The following CACNA1D variants were observed in gnomAD, a reference collection of about 807,000 sequenced individuals.
CACNA1D encodes calcium voltage-gated channel subunit alpha1 D.
CACNA1D carries 55 observed loss-of-function variants against 257.1 expected under a neutral mutation model. That is an observed-to-expected ratio of 0.21 (90% confidence interval 0.17 to 0.27). The LOEUF (loss-of-function observed/expected upper bound fraction) is 0.27, where lower values mean the gene tolerates loss of function less well. CACNA1D is among the 10% of genes least tolerant of loss of function. The pLI, the probability that CACNA1D is intolerant of heterozygous loss-of-function variation, is 1.00. For synonymous variants in CACNA1D, 980 were observed against 1,014.9 expected (o/e 0.97, Z 0.65); for missense variants, 1,876 against 2,784.0 (o/e 0.67, Z 7.34).
chr3:53,743,004 CT>C lies in CACNA1D; in HGVS notation c.2812-5del. ...AAATGGTAAATCATCCATGATTCTG[CT>C]TCTAGATGACAACTTTTGGAGCTTT... is the stretch of plus-strand genomic sequence containing the variant. On this transcript the variant is annotated splice_polypyrimidine_tract_variant and splice_region_variant and intron_variant, in intron 21 of 47. Coordinates refer to ENST00000350061, the MANE Select transcript of CACNA1D (RefSeq NM_001128840.3). The C allele has an allele frequency of 6.3e-7, 1 of 1,579,378 alleles. No individual in the cohort carries two copies. Among genetic ancestry groups the C allele is most frequent in the Non-Finnish European group, 8.7e-7 (1 of 1,148,294 alleles).
intron 40 of CACNA1D, among the ~76,000 whole-genome samples, chr3:53,795,002 C>T (rs2095501288): frequency 6.6e-6 from 1 of 152,230 alleles, no homozygotes. Context: ...ACTGCCCTAA[C>T]TGGAGCCCTT....
At chr3:53,718,761 T>A in intron 10 of CACNA1D, 1 of 1,546,176 alleles carries the variant, frequency 6.5e-7, no homozygotes. Context: ...TGATTCTCCT[T>A]CCAGCCTGGG....
intron 3 of CACNA1D, among the ~76,000 whole-genome samples, chr3:53,633,880 T>C (rs1444837654): frequency 6.6e-6 from 1 of 152,224 alleles, no homozygotes; most frequent in Admixed American, 6.5e-5. Flanking sequence ...TTGTAGAAAG[T>C]AGTAATTTCC....
At chr3:53,687,064 A>G (rs1266562344) in intron 8 of CACNA1D, among the ~76,000 whole-genome samples, 1 of 152,004 alleles carries the variant, frequency 6.6e-6, no homozygotes, top group African/African-American at 2.4e-5. Context: ...CCTAATAGGA[A>G]TGAATATAAG....
intron 3 of CACNA1D, among the ~76,000 whole-genome samples, chr3:53,550,037 G>A (rs1343424050): frequency 6.6e-6 from 1 of 152,194 alleles, no homozygotes; most frequent in African/African-American, 2.4e-5. Context: ...GAGCTGCTGG[G>A]AGGAAGAGAT....
chr3:53,741,160 A>G (rs1304300773), intron 21 of CACNA1D, among the ~76,000 whole-genome samples: 1 of 152,214 alleles, frequency 6.6e-6, no homozygotes, highest in East Asian at 1.9e-4. Context: ...TGGAGACCAC[A>G]GCAGAGCTCC....
chr3:53,666,196 C>T (rs942323070), intron 6 of CACNA1D, 143 bp from the exon 7 acceptor site: 1 of 813,280 alleles, frequency 1.2e-6, no homozygotes, highest in Non-Finnish European at 2.2e-6. Flanking sequence ...TGAAGGGAAC[C>T]TTGAAGGACA....
At chr3:53,556,123 C>T (rs2092641080) in intron 3 of CACNA1D, among the ~76,000 whole-genome samples, 9 of 152,058 alleles carry the variant, frequency 5.9e-5, no homozygotes, top group Admixed American at 5.9e-4. Flanking sequence ...AGAAATCGTT[C>T]TTTTTTATTG....
At chr3:53,641,979 A>G (rs2093957968) in intron 3 of CACNA1D, among the ~76,000 whole-genome samples, 1 of 152,190 alleles carries the variant, frequency 6.6e-6, no homozygotes, top group Non-Finnish European at 1.5e-5. Context: ...AGCCCATTGT[A>G]TTAATATTTA....
At chr3:53,733,930 TTGTGTGTG>T (rs397961374) in intron 19 of CACNA1D, among the ~76,000 whole-genome samples, 4 of 134,034 alleles carry the variant, frequency 3.0e-5, no homozygotes, top group African/African-American at 1.2e-4. Context: ...GTGTGTGTGT[TTGTGTGTG>T]TGTGTGTGTG....
At chr3:53,650,647 C>T (rs1400463473) in intron 3 of CACNA1D, 132 bp from the exon 4 acceptor site, 1 of 939,776 alleles carries the variant, frequency 1.1e-6, no homozygotes, top group African/African-American at 1.6e-5. Context: ...TTCCATTTCT[C>T]ATAATGAAAC....
intron 3 of CACNA1D, among the ~76,000 whole-genome samples, chr3:53,541,139 A>T (rs368052246): frequency 6.6e-6 from 1 of 152,208 alleles, no homozygotes; most frequent in Non-Finnish European, 1.5e-5. Flanking sequence ...TTTTGCGAGT[A>T]CATCTATAAA....
intron 28 of CACNA1D, 129 bp downstream of exon 28, chr3:53,752,036 T>A: frequency 1.1e-6 from 1 of 880,166 alleles, no homozygotes; most frequent in Non-Finnish European, 1.9e-6. Context: ...GGGCTATAGG[T>A]TGGCCAGAGT....
intron 3 of CACNA1D, among the ~76,000 whole-genome samples, chr3:53,597,901 C>T (rs887427474): frequency 9.2e-5 from 14 of 152,208 alleles, no homozygotes; most frequent in African/African-American, 3.4e-4. Context: ...GCAAAAGTAA[C>T]TGCAGATTTT....
In CACNA1D at chr3:53,811,431, C is replaced by G; in HGVS notation, c.*25C>G. ...GCCCCCAGCGAGGGGCAGACTGGCT[C>G]TGGCCTCAGGTGGGGCGCAGGAGAG... On this transcript the variant is annotated 3_prime_UTR_variant, in exon 48 of 48. Coordinates refer to ENST00000350061, the MANE Select transcript of CACNA1D (RefSeq NM_001128840.3). The surrounding 1 kb of genome is among the most constrained non-coding windows in gnomAD (Gnocchi z 4.2). 1 of 1,524,316 alleles carries G rather than the reference C, an allele frequency of 6.6e-7. No homozygotes were observed. Among genetic ancestry groups the G allele is most frequent in the Non-Finnish European group, 8.8e-7 (1 of 1,135,832 alleles). 94.4% of individuals were successfully genotyped at this position (1,524,316 alleles called of 1,614,324 possible). A position where few individuals can be genotyped will look rare whatever the true frequency, so the allele number is the denominator to read the frequency against.
In CACNA1D at chr3:53,683,222, A is replaced by G. The variant is rs76705283; in HGVS notation, c.1220+10096A>G. 8.4e-4 allele frequency among the ~76,000 whole-genome samples: 128 copies of G among 152,332 alleles called. 1 individual carries two copies. Among genetic ancestry groups the G allele is most frequent in the African/African-American group, 2.9e-3 (120 of 41,580 alleles). ...TATTGAAGCCAGGCAGAGAACAGCT[A>G]GTAGAATGCTGTAAGTGGTTGGAAA... is the stretch of plus-strand genomic sequence containing the variant. On this transcript the variant is annotated intron_variant, in intron 8 of 47. Transcript: ENST00000350061.
chr3:53,775,929 C>T lies in CACNA1D; in HGVS notation c.4246C>T (p.Leu1416Phe). The stretch of plus-strand genomic sequence containing the variant: ...CTGGCAGGAGATCATGCTGGCCTGT[C>T]TCCCAGGGAAGCTCTGTGACCCTGA... ...EAWQEIMLAC[L>F]PGKLCDPESD... Residue 1416 changes from leucine (L) to phenylalanine (F), a missense_variant, in exon 35 of 48, where the codon CTC (leucine) becomes TTC (phenylalanine). Leu to Phe is a conservative substitution (Grantham distance 22). Around this residue, in one of 10 missense-constraint regions of CACNA1D, gnomAD observed 83 missense variants for 210.7 expected, o/e 0.39. Transcript: ENST00000350061. 3 of 1,614,194 alleles carry T rather than the reference C, an allele frequency of 1.9e-6. No homozygotes were observed. The highest frequency in any genetic ancestry group is 2.5e-6 in the Non-Finnish European group (3 of 1,180,022).
chr3:53,811,618 G>A lies in CACNA1D; in HGVS notation c.*212G>A, dbSNP rs779448001. The stretch of plus-strand genomic sequence containing the variant: ...GAGCCTGGCAGAGTACCATGCGCTC[G>A]GCCCCAGCTGCAGGAAACAGCAGGC... On this transcript the variant is annotated 3_prime_UTR_variant, in exon 48 of 48. Coordinates refer to ENST00000350061, the MANE Select transcript of CACNA1D (RefSeq NM_001128840.3). This position sits in a 1 kb window ranked among gnomAD's most constrained non-coding sequence, Gnocchi z 4.2. The A allele has an allele frequency of 5.3e-5, 25 of 474,542 alleles. No homozygotes were observed. Among genetic ancestry groups the A allele is most frequent in the South Asian group, 1.1e-4 (3 of 27,882 alleles). 29.4% of individuals were successfully genotyped at this position (474,542 alleles called of 1,614,324 possible). A position where few individuals can be genotyped will look rare whatever the true frequency, so the allele number is the denominator to read the frequency against.
intron 3 of CACNA1D, among the ~76,000 whole-genome samples, chr3:53,536,660 A>G (rs1439710289): frequency 1.3e-5 from 2 of 152,218 alleles, no homozygotes; most frequent in Non-Finnish European, 2.9e-5. Flanking sequence ...TTAATGTTTG[A>G]ACAAATAGCT....
Sources: gnomAD v4.1 joint callset for allele counts (sites outside exome capture counted in the v4.1 genomes callset) on GRCh38, gnomAD v4.1.1 for gene constraint, gnomAD v4.1.1 regional missense constraint, Gnocchi (gnomAD v3.1) non-coding constraint, MANE v1.5 for transcripts, NCBI Gene and HGNC (gene_info 2026-07-23, HGNC 2026-07-21) for gene names.